The following SCD5 variants were observed in gnomAD, a reference collection of about 807,000 sequenced individuals.
The protein encoded by SCD5 is stearoyl-CoA desaturase 5.
Under a neutral mutation model 30.4 loss-of-function variants are expected in SCD5, and 20 were observed. The ratio of observed to expected loss-of-function variants is 0.66; its 90% CI spans 0.46 to 0.96. The LOEUF is 0.96. Among genes scored for constraint, SCD5 ranks in the 40% least tolerant of loss-of-function variants. SCD5 has a pLI of 0.00. For missense variants in SCD5, 381 were observed against 443.3 expected (o/e 0.86, Z 1.26); for synonymous variants, 173 against 176.4 (o/e 0.98, Z 0.16).
intron 2 of SCD5, among the ~76,000 whole-genome samples, chr4:82,686,410 G>A (rs965599627): frequency 1.3e-5 from 2 of 152,216 alleles, no homozygotes; most frequent in African/African-American, 4.8e-5. Flanking sequence ...GGCAGAAAGT[G>A]TGTGAAGGGC....
At chr4:82,730,264 T>C (rs1160334325) in intron 1 of SCD5, among the ~76,000 whole-genome samples, 2 of 82,776 alleles carry the variant, frequency 2.4e-5, no homozygotes, top group African/African-American at 2.5e-4. Context: ...ATTATACATT[T>C]ATATATATAG....
At chr4:82,794,171 T>C (rs1172029695) in intron 1 of SCD5, among the ~76,000 whole-genome samples, 3 of 152,198 alleles carry the variant, frequency 2.0e-5, no homozygotes, top group African/African-American at 7.2e-5. Flanking sequence ...ATGGTACAGA[T>C]GCTCCAAGAA....
intron 3 of SCD5, among the ~76,000 whole-genome samples, chr4:82,646,929 T>C (rs1430322870): frequency 6.6e-6 from 1 of 152,234 alleles, no homozygotes; most frequent in Non-Finnish European, 1.5e-5. Flanking sequence ...TTCAAGTGAT[T>C]CTCCTGCCTC....
At chr4:82,759,371 C>A (rs753479151) in intron 1 of SCD5, among the ~76,000 whole-genome samples, 7 of 152,164 alleles carry the variant, frequency 4.6e-5, no homozygotes, top group African/African-American at 2.4e-5. Flanking sequence ...AGAGCTCCTG[C>A]CCCAGGCAGC....
chr4:82,785,598 T>C (rs1721969102), intron 1 of SCD5, among the ~76,000 whole-genome samples: 1 of 152,200 alleles, frequency 6.6e-6, no homozygotes, highest in Non-Finnish European at 1.5e-5. Context: ...TGTCAATAAA[T>C]TTCGATTTGT....
At chr4:82,746,164 G>T (rs17351850) in intron 1 of SCD5, among the ~76,000 whole-genome samples, 14,908 of 152,252 alleles carry the variant, frequency 0.098, 944 homozygotes, top group Non-Finnish European at 0.15. Flanking sequence ...AGTCACACAT[G>T]CTGAGCAGTA....
intron 1 of SCD5, among the ~76,000 whole-genome samples, chr4:82,795,852 C>T (rs1274628944): frequency 1.4e-5 from 2 of 141,224 alleles, no homozygotes; most frequent in African/African-American, 5.2e-5. Context: ...GAGGCAGTAG[C>T]TATTCATCAG....
At chr4:82,649,495 C>T (rs1428118470) in intron 3 of SCD5, among the ~76,000 whole-genome samples, 3 of 152,272 alleles carry the variant, frequency 2.0e-5, no homozygotes, top group African/African-American at 7.2e-5. Flanking sequence ...AAACATTTTT[C>T]AGAGGGGCAT....
At chr4:82,711,154 A>G (rs1261260623) in intron 1 of SCD5, among the ~76,000 whole-genome samples, 1 of 152,106 alleles carries the variant, frequency 6.6e-6, no homozygotes, top group Non-Finnish European at 1.5e-5. Flanking sequence ...TGCCCCATGC[A>G]TGAATGCCAT....
chr4:82,778,614 G>A (rs80105696), intron 1 of SCD5, among the ~76,000 whole-genome samples: 229 of 152,292 alleles, frequency 1.5e-3, no homozygotes, highest in Non-Finnish European at 2.7e-3. Flanking sequence ...CCACTCTGAT[G>A]ACCCTTTGAT....
intron 2 of SCD5, among the ~76,000 whole-genome samples, chr4:82,701,295 C>T (rs545195841): frequency 6.6e-6 from 1 of 151,864 alleles, no homozygotes; most frequent in East Asian, 1.9e-4. Flanking sequence ...CAAAATGGTC[C>T]ATTAAAACCA....
intron 1 of SCD5, among the ~76,000 whole-genome samples, chr4:82,767,555 G>C (rs866306756): frequency 1.3e-5 from 2 of 152,090 alleles, no homozygotes; most frequent in Non-Finnish European, 2.9e-5. Flanking sequence ...CACATATTTT[G>C]TCTAGTTTTT....
chr4:82,754,403 G>C (rs1367818112), intron 1 of SCD5, among the ~76,000 whole-genome samples: 1 of 152,078 alleles, frequency 6.6e-6, no homozygotes, highest in African/African-American at 2.4e-5. Context: ...AGAGAGGGAG[G>C]AGAAGTCCTT....
At chr4:82,671,001 C>T (rs1033816708) in intron 3 of SCD5, among the ~76,000 whole-genome samples, 9 of 152,038 alleles carry the variant, frequency 5.9e-5, no homozygotes, top group Non-Finnish European at 8.8e-5. Flanking sequence ...AACTGACCCA[C>T]TTTAAATATA....
At chr4:82,717,528 T>C (rs897729768) in intron 1 of SCD5, among the ~76,000 whole-genome samples, 2 of 151,890 alleles carry the variant, frequency 1.3e-5, no homozygotes, top group African/African-American at 4.9e-5. Flanking sequence ...AGTTTGTGTG[T>C]GTTAGAGGAA....
intron 3 of SCD5, among the ~76,000 whole-genome samples, chr4:82,674,253 A>G (rs569539012): frequency 3.9e-5 from 6 of 152,214 alleles, no homozygotes; most frequent in Admixed American, 6.5e-5. Context: ...CATATCTGAT[A>G]AAGGACTGTT....
intron 3 of SCD5, among the ~76,000 whole-genome samples, chr4:82,649,923 T>A (rs1200215048): frequency 3.3e-5 from 5 of 152,192 alleles, no homozygotes; most frequent in African/African-American, 1.2e-4. Context: ...TGTGCATGAA[T>A]GGACAGTGTG....
chr4:82,767,636 T>A (rs1721522199), intron 1 of SCD5, among the ~76,000 whole-genome samples: 1 of 152,228 alleles, frequency 6.6e-6, no homozygotes, highest in African/African-American at 2.4e-5. Flanking sequence ...AAGCCTAAAT[T>A]GTCTCCAGAG....
At chr4:82,767,556 T>C (rs145586977) in intron 1 of SCD5, among the ~76,000 whole-genome samples, 2 of 152,310 alleles carry the variant, frequency 1.3e-5, no homozygotes, top group Non-Finnish European at 2.9e-5. Context: ...ACATATTTTG[T>C]CTAGTTTTTT....
Sources: allele counts gnomAD v4.1 joint callset (sites outside exome capture counted in the v4.1 genomes callset), GRCh38; gene constraint gnomAD v4.1.1; transcripts MANE v1.5; gene names NCBI Gene and HGNC (gene_info 2026-07-23, HGNC 2026-07-21).